Variants in GPR89B observed in about 807,000 individuals in gnomAD.
The protein encoded by GPR89B is G protein-coupled receptor 89B.
In GPR89B, 25 loss-of-function variants were observed where a neutral mutation model predicts 52.4. That is an observed-to-expected ratio of 0.48 (90% confidence interval 0.35 to 0.67). The LOEUF is 0.67. GPR89B is among the 30% of genes least tolerant of loss of function. The pLI is 0.01. For missense variants in GPR89B, 146 were observed against 450.2 expected, an observed-to-expected ratio of 0.32 and a Z score of 6.11; for synonymous variants, 52 against 151.2, an observed-to-expected ratio of 0.34 and a Z score of 4.81.
At chr1:147,989,635 A>G (rs1209028567) in intron 12 of GPR89B, among the ~76,000 whole-genome samples, 2 of 151,624 alleles carry the variant, frequency 1.3e-5, no homozygotes, top group Non-Finnish European at 2.9e-5. Context: ...CCTGTGTCCA[A>G]GTGTTCTCAT....
At chr1:147,932,672 A>G (rs1205726729) in intron 1 of GPR89B, among the ~76,000 whole-genome samples, 1 of 152,166 alleles carries the variant, frequency 6.6e-6, no homozygotes, top group Non-Finnish European at 1.5e-5. Flanking sequence ...TACTTTCTGC[A>G]TTTTAATCTA....
At chr1:147,997,322 A>G (rs1325677514), downstream of GPR89B, among the ~76,000 whole-genome samples, 2 of 152,206 alleles carry the variant, frequency 1.3e-5, no homozygotes, top group East Asian at 3.8e-4. Context: ...AGGTGGTTCC[A>G]GAGGGGATTA....
At chr1:147,975,516 C>T (rs1463327054) in intron 10 of GPR89B, among the ~76,000 whole-genome samples, 1 of 151,858 alleles carries the variant, frequency 6.6e-6, no homozygotes, top group Non-Finnish European at 1.5e-5. Context: ...GTGATGTCCC[C>T]TTTATCATTT....
chr1:147,969,994 T>A (rs1657297864), intron 10 of GPR89B, 35 bp downstream of exon 10: 1 of 1,131,010 alleles, frequency 8.8e-7, no homozygotes, highest in Non-Finnish European at 1.2e-6. Context: ...AGAGTTTAGA[T>A]GTTTTTTCCT....
At chr1:147,938,243 T>C (rs1242245662) in intron 2 of GPR89B, among the ~76,000 whole-genome samples, 1 of 152,184 alleles carries the variant, frequency 6.6e-6, no homozygotes, top group Admixed American at 6.5e-5. Flanking sequence ...ATTTCTAGGA[T>C]GTTCTCCATT....
In GPR89B at chr1:147,976,939, C is replaced by A. The variant is rs1292303131; in HGVS notation, c.909+6980C>A. ...GAAATTCTTGGTTGGAAATTCTTTT[C>A]TTTAAGAATGTTGAGCTGGGCGTGG... On this transcript the variant is annotated intron_variant, in intron 10 of 13. Coordinates refer to ENST00000314163, the MANE Select transcript of GPR89B (RefSeq NM_016334.5). 4.0e-5 allele frequency among the ~76,000 whole-genome samples: 6 copies of A among 151,748 alleles called. No individual in the cohort carries two copies. In the East Asian group the frequency reaches 1.2e-3, roughly 29 times the overall value.
intron 4 of GPR89B, among the ~76,000 whole-genome samples, 182 bp downstream of exon 4, chr1:147,943,726 TATTGAATGA>T (rs1158895438): frequency 6.6e-6 from 1 of 151,434 alleles, no homozygotes; most frequent in Non-Finnish European, 1.5e-5. Flanking sequence ...ACAAAATAAA[TATTGAATGA>T]ATGATTAGGT....
intron 7 of GPR89B, among the ~76,000 whole-genome samples, chr1:147,960,127 T>A (rs1396997372): frequency 1.3e-5 from 2 of 151,658 alleles, no homozygotes; most frequent in African/African-American, 2.4e-5. Flanking sequence ...AAACATTAGC[T>A]GCTGCAGGTA....
the GPR89B span, among the ~76,000 whole-genome samples, chr1:148,002,691 G>A: frequency 3.9e-5 from 6 of 151,992 alleles, no homozygotes; most frequent in South Asian, 4.2e-4. Context: ...TGTCTGATAA[G>A]CCAAGTTCAA....
At chr1:148,023,106 T>G in the GPR89B span, among the ~76,000 whole-genome samples, 2 of 151,228 alleles carry the variant, frequency 1.3e-5, no homozygotes, top group African/African-American at 2.4e-5. Context: ...ACCTACCTCA[T>G]GGTAGTCCAC....
chr1:148,025,415 T>C, the GPR89B span, among the ~76,000 whole-genome samples: 2 of 145,162 alleles, frequency 1.4e-5, no homozygotes, highest in South Asian at 2.2e-4. Flanking sequence ...CCCAGCACAT[T>C]GGGAGGCCGA....
intron 10 of GPR89B, among the ~76,000 whole-genome samples, chr1:147,983,978 C>T (rs1658466790): frequency 6.6e-6 from 1 of 151,450 alleles, no homozygotes; most frequent in African/African-American, 2.4e-5. Context: ...ACATATACAC[C>T]ATGGAATACT....
At chr1:148,013,051 G>T in the GPR89B span, among the ~76,000 whole-genome samples, 1 of 152,078 alleles carries the variant, frequency 6.6e-6, no homozygotes, top group East Asian at 1.9e-4. Context: ...TGTTACTGAT[G>T]AAAATAATAA....
intron 1 of GPR89B, among the ~76,000 whole-genome samples, chr1:147,930,810 T>C (rs1653525084): frequency 6.6e-6 from 1 of 152,168 alleles, no homozygotes; most frequent in South Asian, 2.1e-4. Context: ...ATTTATTCTT[T>C]AGACTTCCTG....
downstream of GPR89B, chr1:147,994,257 G>T: frequency 6.2e-7 from 1 of 1,601,294 alleles, no homozygotes; most frequent in Non-Finnish European, 8.5e-7. Flanking sequence ...TAAATACCCA[G>T]AAACAGCTAT....
At chr1:147,933,744 A>G in intron 1 of GPR89B, among the ~76,000 whole-genome samples, 1 of 151,762 alleles carries the variant, frequency 6.6e-6, no homozygotes, top group South Asian at 2.1e-4. Context: ...CTGTCACCAA[A>G]TGTCTTAATT....
At chr1:147,975,721 G>A (rs1349437418) in intron 10 of GPR89B, among the ~76,000 whole-genome samples, 1 of 152,040 alleles carries the variant, frequency 6.6e-6, no homozygotes, top group South Asian at 2.1e-4. Context: ...TTTGCTCTTG[G>A]TTCTCTAGTT....
At chr1:147,981,919 TG>T in intron 10 of GPR89B, among the ~76,000 whole-genome samples, 1 of 152,010 alleles carries the variant, frequency 6.6e-6, no homozygotes, top group Middle Eastern at 3.4e-3. Flanking sequence ...CCCAAAGTGC[TG>T]GGATTATATC....
At chr1:148,006,215 C>T in the GPR89B span, among the ~76,000 whole-genome samples, 13 of 146,270 alleles carry the variant, frequency 8.9e-5, no homozygotes, top group Non-Finnish European at 1.5e-4. Flanking sequence ...CACCAGAAAG[C>T]GCTAAAACAT....
Sources: allele counts gnomAD v4.1 joint callset (sites outside exome capture counted in the v4.1 genomes callset), GRCh38; gene constraint gnomAD v4.1.1; transcripts MANE v1.5; gene names NCBI Gene and HGNC (gene_info 2026-07-23, HGNC 2026-07-21).